SLC25A28: variants seen among roughly 807,000 people sequenced by gnomAD.
The protein encoded by SLC25A28 is solute carrier family 25 member 28.
Under a neutral mutation model 31.9 loss-of-function variants are expected in SLC25A28, and 10 were observed. The observed-to-expected ratio is 0.31, with a 90% CI of 0.19 to 0.53. The LOEUF is 0.53. Among genes scored for constraint, SLC25A28 ranks in the 20% least tolerant of loss-of-function variants. The pLI is 0.95. For synonymous variants in SLC25A28, 208 were observed against 203.6 expected, an observed-to-expected ratio of 1.02 and a Z score of -0.19; for missense variants, 256 against 490.3, an observed-to-expected ratio of 0.52 and a Z score of 4.51.
At chr10:99,632,237 A>G in the SLC25A28 span, among the ~76,000 whole-genome samples, 3 of 152,158 alleles carry the variant, frequency 2.0e-5, no homozygotes, top group Non-Finnish European at 4.4e-5. Flanking sequence ...ATGACTACAT[A>G]ACATTTACAT....
At chr10:99,646,009 A>T in the SLC25A28 span, among the ~76,000 whole-genome samples, 1 of 152,038 alleles carries the variant, frequency 6.6e-6, no homozygotes, top group African/African-American at 2.4e-5. Context: ...CTTGGAGGTC[A>T]GGGACCCACT....
At chr10:99,646,020 T>G in the SLC25A28 span, among the ~76,000 whole-genome samples, 1 of 152,196 alleles carries the variant, frequency 6.6e-6, no homozygotes, top group Non-Finnish European at 1.5e-5. Context: ...GGGACCCACT[T>G]GAGGAGGCAG....
At chr10:99,630,875 C>T in the SLC25A28 span, among the ~76,000 whole-genome samples, 1 of 152,072 alleles carries the variant, frequency 6.6e-6, no homozygotes, top group Non-Finnish European at 1.5e-5. Context: ...TTAAGGGGAC[C>T]TAACTTAGCC....
At chr10:99,659,172 G>A in the SLC25A28 span, among the ~76,000 whole-genome samples, 4 of 152,234 alleles carry the variant, frequency 2.6e-5, no homozygotes, top group African/African-American at 9.6e-5. This position sits in a 1 kb window ranked among gnomAD's most constrained non-coding sequence, Gnocchi z 4.1. Context: ...AGGAGCGGCC[G>A]TGGAGAAAGC....
rs2034531734 is a variant in SLC25A28 at position 99,611,890 on chromosome 10, C to T, written c.578-524G>A. Among the ~76,000 whole-genome samples the T allele has an allele frequency of 6.6e-6, 1 of 152,188 alleles. No individual in the cohort carries two copies. Among genetic ancestry groups the T allele is most frequent in the African/African-American group, 2.4e-5 (1 of 41,440 alleles). ...AGAGTTGGCTTTAGTCTTCAAACAC[C>T]TCCCACTCCCTCAAGTAGATAACAT... On this transcript the variant is annotated intron_variant, in intron 3 of 3. Coordinates refer to ENST00000370495, the MANE Select transcript of SLC25A28 (RefSeq NM_031212.4). This position sits in a 1 kb window ranked among gnomAD's most constrained non-coding sequence, Gnocchi z 5.5.
chr10:99,648,465 AT>A, the SLC25A28 span, among the ~76,000 whole-genome samples: 1 of 151,810 alleles, frequency 6.6e-6, no homozygotes, highest in Non-Finnish European at 1.5e-5. Context: ...GAATTTTAGG[AT>A]TTTTTTATAA....
At chr10:99,623,936 C>T (rs1436050671), upstream of SLC25A28, among the ~76,000 whole-genome samples, 1 of 152,194 alleles carries the variant, frequency 6.6e-6, no homozygotes, top group Non-Finnish European at 1.5e-5. Context: ...TAAACTAGCC[C>T]AGTACTTCTG....
chr10:99,659,264 C>T, the SLC25A28 span, among the ~76,000 whole-genome samples: 1 of 152,224 alleles, frequency 6.6e-6, no homozygotes, highest in African/African-American at 2.4e-5. The surrounding 1 kb of genome is among the most constrained non-coding windows in gnomAD (Gnocchi z 4.1). Context: ...TCTCCGCGGG[C>T]CCTGCAGGCG....
At chr10:99,650,430 A>G in the SLC25A28 span, among the ~76,000 whole-genome samples, 2 of 151,786 alleles carry the variant, frequency 1.3e-5, no homozygotes, top group African/African-American at 4.8e-5. Flanking sequence ...CAATTGTTCT[A>G]TGTATGTGTA....
the SLC25A28 span, among the ~76,000 whole-genome samples, chr10:99,640,049 T>C: frequency 3.5e-4 from 54 of 152,332 alleles, no homozygotes; most frequent in African/African-American, 1.3e-3. Context: ...GACATGCATG[T>C]GTTATACAAC....
At chr10:99,624,203 G>GTT (rs1242952342), upstream of SLC25A28, among the ~76,000 whole-genome samples, 1 of 98,218 alleles carries the variant, frequency 1.0e-5, no homozygotes, top group East Asian at 2.8e-4. Flanking sequence ...TTCTTTCTTT[G>GTT]TTTCTTTCTT....
At chr10:99,649,050 CT>C in the SLC25A28 span, among the ~76,000 whole-genome samples, 1 of 152,074 alleles carries the variant, frequency 6.6e-6, no homozygotes, top group African/African-American at 2.4e-5. Context: ...AGAGGAAATG[CT>C]TTTAATTTTT....
At chr10:99,641,956 T>C in the SLC25A28 span, among the ~76,000 whole-genome samples, 14 of 150,496 alleles carry the variant, frequency 9.3e-5, no homozygotes, top group Non-Finnish European at 1.6e-4. Context: ...ACCATGCTGT[T>C]TTGGTTACTG....
upstream of SLC25A28, chr10:99,621,471 G>C (rs1005985640): frequency 6.6e-6 from 1 of 152,398 alleles, no homozygotes; most frequent in Non-Finnish European, 1.5e-5. Context: ...AAGCTCGGAC[G>C]CACGGCCTGG....
the SLC25A28 span, among the ~76,000 whole-genome samples, chr10:99,627,806 T>C: frequency 6.6e-6 from 1 of 152,156 alleles, no homozygotes; most frequent in Non-Finnish European, 1.5e-5. Context: ...TATTTTGCTA[T>C]CAAACAGTAG....
chr10:99,631,959 C>T, the SLC25A28 span, among the ~76,000 whole-genome samples: 2 of 124,952 alleles, frequency 1.6e-5, no homozygotes, highest in African/African-American at 6.0e-5. Flanking sequence ...TGCAGTGGCG[C>T]AATCTCGGCT....
rs1004390045 is a variant in SLC25A28, at chr10:99,610,597, T to C, written c.*252A>G. The C allele has an allele frequency of 3.8e-6, 2 of 530,288 alleles. No homozygotes were observed. The highest frequency in any genetic ancestry group is 6.8e-6 in the Non-Finnish European group (2 of 294,118). 32.8% of individuals were successfully genotyped at this position (530,288 alleles called of 1,614,324 possible). On this transcript the variant is annotated 3_prime_UTR_variant, in exon 4 of 4. Transcript: ENST00000370495. ...CTCTATAACAGTCTAGAGCAGGTCA[T>C]CAGGCCCAGGATGGAGAGAGGTTAT...
Position 99,610,947 on chromosome 10 carries a change from T to C in SLC25A28, c.997A>G (p.Ile333Val). ...ATGGCTGTGGAGGGGATCTGGTAAA[T>C]TACTCTGGCCTGCACCCCTCGGAAA... ...AYFRGVQARV[I>V]YQIPSTAIAW... is the part of the protein sequence containing the mutation. Residue 333 changes from isoleucine to valine, a missense_variant, in exon 4 of 4, where the codon ATT becomes GTT. This residue lies in a region of SLC25A28 where 158 missense variants were observed against 379.1 expected (regional missense o/e 0.42). Coordinates refer to ENST00000370495, the MANE Select transcript of SLC25A28 (RefSeq NM_031212.4). The C allele has an allele frequency of 1.2e-6, 2 of 1,614,208 alleles. No individual in the cohort carries two copies. The highest frequency in any genetic ancestry group is 8.5e-7 in the Non-Finnish European group (1 of 1,180,036).
At chr10:99,657,440 G>A in the SLC25A28 span, among the ~76,000 whole-genome samples, 1 of 152,130 alleles carries the variant, frequency 6.6e-6, no homozygotes, top group South Asian at 2.1e-4. Flanking sequence ...TCTATTCAAT[G>A]TGGTTTCTGG....
Sources: allele counts gnomAD v4.1 joint callset (sites outside exome capture counted in the v4.1 genomes callset), GRCh38; gene constraint gnomAD v4.1.1; regional missense constraint gnomAD v4.1.1; non-coding constraint Gnocchi (gnomAD v3.1); transcripts MANE v1.5; gene names NCBI Gene and HGNC (gene_info 2026-07-23, HGNC 2026-07-21).